The following DMBT1 variants were observed in gnomAD, a reference collection of about 807,000 sequenced individuals.
DMBT1 encodes the protein scavenger receptor cysteine-rich domain-containing protein DMBT1.
DMBT1 carries 198 observed loss-of-function variants against 252.9 expected under a neutral mutation model. The ratio of observed to expected loss-of-function variants is 0.78; its 90% CI spans 0.70 to 0.88. DMBT1 has a LOEUF of 0.88. DMBT1 is among the 40% of genes least tolerant of loss of function. The pLI, the probability that DMBT1 is intolerant of heterozygous loss-of-function variation, is 0.00. For synonymous variants in DMBT1, 990 were observed against 942.7 expected (o/e 1.05, Z -0.92); for missense variants, 2,432 against 2,404.7 (o/e 1.01, Z -0.24).
Position 122,631,146 on chromosome 10 carries a change from G to T in DMBT1, c.6211G>T (p.Gly2071Cys), listed in dbSNP as rs759921065. 6.2e-7 allele frequency: 1 copy of T among 1,613,994 alleles called. No individual in the cohort carries two copies. The highest frequency in any genetic ancestry group is 1.1e-5 in the South Asian group (1 of 91,072). Residue 2071 changes from glycine (G) to cysteine (C), a missense_variant, in exon 49 of 56, where the codon GGC becomes TGC. Around this residue, in one of 3 missense-constraint regions of DMBT1, gnomAD observed 1,162 missense variants for 1,169.0 expected, o/e 0.99. Transcript: ENST00000338354. ...AVSALGNAYF[G>C]SGSGPITLDD... ...TTCAGCCCTTGGAAATGCATATTTT[G>T]GCTCTGGCTCTGGCCCCATCACCCT...
intron 2 of DMBT1, among the ~76,000 whole-genome samples, 177 bp from the exon 3 acceptor site, chr10:122,569,985 T>C (rs1203218125): frequency 1.3e-5 from 2 of 152,166 alleles, no homozygotes. Context: ...TGTGGCATCC[T>C]AGCCCAGCCT....
chr10:122,589,353 A>G, intron 17 of DMBT1, 86 bp downstream of exon 17: 1 of 1,546,676 alleles, frequency 6.5e-7, no homozygotes, highest in Non-Finnish European at 8.8e-7. Context: ...CCTCACTCAG[A>G]GCTTTTTCAA....
At chr10:122,635,826 G>A (rs1025906626) in intron 52 of DMBT1, among the ~76,000 whole-genome samples, 165 bp from the exon 53 acceptor site, 34 of 152,178 alleles carry the variant, frequency 2.2e-4, no homozygotes, top group Non-Finnish European at 3.8e-4. Context: ...AAAGTGCTGG[G>A]ATTATAAGTG....
chr10:122,584,499 G>T, intron 14 of DMBT1, 148 bp downstream of exon 14: 1 of 460,338 alleles, frequency 2.2e-6, no homozygotes, highest in South Asian at 2.9e-5. Flanking sequence ...CCCTGGAATG[G>T]CGCTTCTGAA....
intron 1 of DMBT1, among the ~76,000 whole-genome samples, chr10:122,564,975 A>C (rs1255178132): frequency 6.6e-6 from 1 of 152,186 alleles, no homozygotes; most frequent in Non-Finnish European, 1.5e-5. Context: ...AAAAAATTTG[A>C]ATTTTTAACT....
chr10:122,591,315 C>T (rs184521276), intron 18 of DMBT1, among the ~76,000 whole-genome samples, 164 bp from the exon 19 acceptor site: 4 of 148,694 alleles, frequency 2.7e-5, no homozygotes, highest in Admixed American at 2.7e-4. Context: ...ATGTCCCTGG[C>T]TGTGCTTCCT....
At position 122,566,275 on chromosome 10, in the gene DMBT1, A is replaced by T. The variant is rs117802839; in HGVS notation, c.91+279A>T. On this transcript the variant is annotated intron_variant, in intron 2 of 55. Coordinates refer to ENST00000338354, the MANE Select transcript of DMBT1 (RefSeq NM_001377530.1). ...GTTTCAGTTTGGTGTGAGGAGAGATAGTTGAAAATAAAGGTCAGTACCTTT... is the reference window on the plus strand; with the variant it reads ...GTTTCAGTTTGGTGTGAGGAGAGATTGTTGAAAATAAAGGTCAGTACCTTT... Among the ~76,000 whole-genome samples, 1,692 of 152,168 alleles carry T rather than the reference A, an allele frequency of 0.011. 88 individuals are homozygous for T. In the East Asian group the frequency reaches 0.18, roughly 16 times the overall value.
chr10:122,592,543 C>A lies in DMBT1; in HGVS notation c.2448C>A (p.Gly816=), dbSNP rs1301834149. The A allele has an allele frequency of 3.1e-6, 5 of 1,588,250 alleles. No individual in the cohort carries two copies. The highest frequency in any genetic ancestry group is 3.3e-4 in the Middle Eastern group (2 of 6,038). The change falls in exon 20 of 56, where the codon GGC becomes GGA. Residue 816 remains glycine (G), a synonymous_variant. Transcript: ENST00000338354. ...ESYLWSCPHN[G]WLSHNCGHHE... is the part of the protein sequence containing the mutation. Reference sequence around the variant, plus strand: ...ACCTGTGGAGCTGCCCCCACAATGGCTGGCTCTCCCACAACTGTGGCCATC... The same window carrying A: ...ACCTGTGGAGCTGCCCCCACAATGGATGGCTCTCCCACAACTGTGGCCATC...
chr10:122,589,207 A>C lies in DMBT1; in HGVS notation c.2047A>C (p.Asn683His), dbSNP rs536928569. 1.1e-4 allele frequency: 175 copies of C among 1,588,382 alleles called. 19 individuals are homozygous for C. The highest frequency in any genetic ancestry group is 2.4e-4 in the African/African-American group (18 of 74,638). Residue 683 changes from asparagine to histidine, a missense_variant, in exon 17 of 56, where the codon AAC becomes CAC. Coordinates refer to ENST00000338354, the MANE Select transcript of DMBT1 (RefSeq NM_001377530.1). ...TGAGTCCTACCTGTGGAGCTGCCCC[A>C]ACAATGGCTGGCTCTCCCACAACTG... is the stretch of plus-strand genomic sequence containing the variant. ...GHESYLWSCP[N>H]NGWLSHNCGH... is the part of the protein sequence containing the mutation.
At chr10:122,587,210 A>G (rs1269193216) in intron 16 of DMBT1, among the ~76,000 whole-genome samples, 1 of 148,360 alleles carries the variant, frequency 6.7e-6, no homozygotes. Flanking sequence ...TGGATGCAGC[A>G]CATATAGGCA....
intron 25 of DMBT1, among the ~76,000 whole-genome samples, chr10:122,598,402 A>G (rs993286950): frequency 6.6e-6 from 1 of 152,032 alleles, no homozygotes; most frequent in Non-Finnish European, 1.5e-5. Flanking sequence ...TACCTGTGAA[A>G]TTTTCAGAAG....
At chr10:122,617,303 G>C (rs1393569739) in intron 40 of DMBT1, 43 bp downstream of exon 40, 2 of 1,593,264 alleles carry the variant, frequency 1.3e-6, no homozygotes, top group Non-Finnish European at 1.7e-6. Context: ...ACTATCTCTG[G>C]ACATATTTTG....
intron 44 of DMBT1, among the ~76,000 whole-genome samples, chr10:122,624,567 A>G (rs768130428): frequency 6.6e-6 from 1 of 152,260 alleles, no homozygotes; most frequent in East Asian, 1.9e-4. Flanking sequence ...AGGCTGGTGA[A>G]TGGAGGTGAC....
chr10:122,618,799 G>A (rs775587811), intron 41 of DMBT1, among the ~76,000 whole-genome samples: 8 of 152,242 alleles, frequency 5.3e-5, no homozygotes, highest in Admixed American at 1.3e-4. Context: ...AGGCTCAAGG[G>A]TTAGGAGTGC....
rs770032518 is a variant in DMBT1, at chr10:122,637,241, T to G, written c.6871T>G (p.Cys2291Gly). The part of the protein sequence containing the change: ...VISTWNGYYE[C>G]RPQITPNLVI... Reference sequence around the variant, plus strand: ...TTCCACCTGGAATGGATACTACGAGTGTCGGCCCCAGATAACGCCGAACCT... The same window carrying G: ...TTCCACCTGGAATGGATACTACGAGGGTCGGCCCCAGATAACGCCGAACCT... Residue 2291 changes from cysteine to glycine, a missense_variant, in exon 54 of 56, where the codon TGT (cysteine) becomes GGT (glycine). By Grantham distance (159) the Cys-to-Gly change is radical. Transcript: ENST00000338354. 1 of 1,613,968 alleles carries G rather than the reference T, an allele frequency of 6.2e-7. No homozygotes were observed. The highest frequency in any genetic ancestry group is 8.5e-7 in the Non-Finnish European group (1 of 1,179,874).
At chr10:122,575,529 G>A (rs189345129) in intron 6 of DMBT1, among the ~76,000 whole-genome samples, 1 of 152,016 alleles carries the variant, frequency 6.6e-6, no homozygotes, top group Non-Finnish European at 1.5e-5. Context: ...TTTTTGGGGG[G>A]GTGTGGTGGG....
At chr10:122,599,892 G>C (rs149356569) in intron 26 of DMBT1, among the ~76,000 whole-genome samples, 172 bp from the exon 27 acceptor site, 1 of 152,226 alleles carries the variant, frequency 6.6e-6, no homozygotes, top group Non-Finnish European at 1.5e-5. Context: ...GATCTGCCTC[G>C]ACCCCTTACA....
rs1267131332 is a variant in DMBT1, at chr10:122,565,240, A to G, written c.62-727A>G. ...CATAGGAAAAATAAAATCAGAAGCC[A>G]ATAATGAATCTTGGATTTATAAAAG... On this transcript the variant is annotated intron_variant, in intron 1 of 55. Coordinates refer to ENST00000338354, the MANE Select transcript of DMBT1 (RefSeq NM_001377530.1). Among the ~76,000 whole-genome samples, 2 of 152,248 alleles carry G rather than the reference A, an allele frequency of 1.3e-5. 1 individual carries two copies. The highest frequency in any genetic ancestry group is 4.1e-4 in the South Asian group (2 of 4,834).
chr10:122,571,662 C>A (rs573183191), intron 4 of DMBT1, among the ~76,000 whole-genome samples: 2 of 152,140 alleles, frequency 1.3e-5, no homozygotes, highest in African/African-American at 4.8e-5. Flanking sequence ...CATGAAGAAA[C>A]CTGCAAGGAC....
Sources: allele counts gnomAD v4.1 joint callset (sites outside exome capture counted in the v4.1 genomes callset), GRCh38; gene constraint gnomAD v4.1.1; regional missense constraint gnomAD v4.1.1; transcripts MANE v1.5; gene names NCBI Gene and HGNC (gene_info 2026-07-23, HGNC 2026-07-21).